DNAH17: variants seen among roughly 807,000 people sequenced by gnomAD.
The protein encoded by DNAH17 is dynein axonemal heavy chain 17.
A neutral mutation model predicts 485.6 loss-of-function variants in DNAH17; 376 were observed. That is an observed-to-expected ratio of 0.77 (90% confidence interval 0.71 to 0.84). DNAH17 has a LOEUF of 0.84. Ranked by LOEUF, DNAH17 falls within the 40% of genes least tolerant of loss-of-function variation. The pLI, the probability that DNAH17 is intolerant of heterozygous loss-of-function variation, is 0.00. For missense variants in DNAH17, 6,370 were observed against 5,839.3 expected (o/e 1.09, Z -2.96); for synonymous variants, 3,031 against 2,405.9 (o/e 1.26, Z -7.60).
chr17:78,502,113 G>A (rs184521968), intron 33 of DNAH17: 5 of 539,706 alleles, frequency 9.3e-6, no homozygotes, highest in African/African-American at 7.6e-5. Flanking sequence ...GGCCACGAGA[G>A]AGGGTGGATG....
intron 51 of DNAH17, 124 bp downstream of exon 51, chr17:78,478,898 CATT>C (rs1184536031): frequency 2.9e-5 from 21 of 732,998 alleles, no homozygotes; most frequent in Non-Finnish European, 4.3e-5. Flanking sequence ...TTATTATCAT[CATT>C]ATCATTACCA....
intron 53 of DNAH17, 29 bp downstream of exon 53, chr17:78,475,640 G>A (rs374336711): frequency 1.2e-6 from 2 of 1,611,752 alleles, no homozygotes; most frequent in African/African-American, 2.7e-5. Context: ...CAGGTCCCGT[G>A]CCCTTGCTAT....
chr17:78,431,601 G>A (rs1456570641), intron 75 of DNAH17, among the ~76,000 whole-genome samples: 3 of 152,134 alleles, frequency 2.0e-5, no homozygotes, highest in Non-Finnish European at 2.9e-5. Context: ...GAGCCCAGAC[G>A]GCTAAACAGG....
intron 31 of DNAH17, 119 bp downstream of exon 31, chr17:78,505,174 G>C: frequency 7.5e-7 from 1 of 1,327,082 alleles, no homozygotes; most frequent in Non-Finnish European, 1.0e-6. Context: ...AGGAGCAGGG[G>C]CGGGCTGGCA....
At chr17:78,510,773 C>T (rs954067934) in intron 26 of DNAH17, 12 of 402,266 alleles carry the variant, frequency 3.0e-5, no homozygotes, top group East Asian at 2.4e-4. Flanking sequence ...AATTCACATC[C>T]GCCCAGAACC....
intron 19 of DNAH17, among the ~76,000 whole-genome samples, chr17:78,535,618 G>T (rs568776271): frequency 6.6e-6 from 1 of 152,248 alleles, no homozygotes; most frequent in South Asian, 2.1e-4. Flanking sequence ...AATCATACGT[G>T]TCCATTATTT....
In DNAH17 at chr17:78,543,941, T is replaced by C; in HGVS notation, c.2448A>G (p.Leu816=). The change falls in exon 17 of 81, where the codon TTA becomes TTG. Residue 816 remains leucine, a synonymous_variant. Coordinates refer to ENST00000389840, the MANE Select transcript of DNAH17 (RefSeq NM_173628.4). ...GGTTGGCAATTCTTCCATCCAAGTC[T>C]AACAGGGCCTCTTTCTTATTGTCCT... ...ERKDNKKEAL[L]DLDGRIANLN... is the part of the protein sequence containing the mutation. 6.2e-7 allele frequency: 1 copy of C among 1,614,070 alleles called. No homozygotes were observed. The highest frequency in any genetic ancestry group is 1.6e-4 in the Middle Eastern group (1 of 6,062).
rs531685338 is a variant in DNAH17, at chr17:78,573,325, C to T, written c.346-431G>A. On this transcript the variant is annotated intron_variant, in intron 2 of 80. Transcript: ENST00000389840. ...TAAAGAGGTGAGTAAGGGCTGGGGG[C>T]GGTAGCTCATACCTGTAAATCCTAG... Among the ~76,000 whole-genome samples, 54 of 152,174 alleles carry T rather than the reference C, an allele frequency of 3.5e-4. 1 individual carries two copies. In the South Asian group the frequency reaches 1.0e-2, roughly 28 times the overall value.
rs113319497 is a variant in DNAH17 at position 78,527,001 on chromosome 17, G to A, written c.3508-5C>T. ...TGCCCAGTGCTCCGGCAGCTCCTGC[G>A]GGAAGCAAAGGCAGAGGAGGGCTCC... On this transcript the variant is annotated splice_region_variant and splice_polypyrimidine_tract_variant and intron_variant, in intron 22 of 80. Coordinates refer to ENST00000389840, the MANE Select transcript of DNAH17 (RefSeq NM_173628.4). 805 of 1,561,112 alleles carry A rather than the reference G, an allele frequency of 5.2e-4. 3 individuals carry two copies. The African/African-American group carries it at 7.3e-3, about 14-fold the overall frequency.
chr17:78,562,068 C>A, intron 11 of DNAH17, 88 bp from the exon 12 acceptor site: 1 of 1,449,408 alleles, frequency 6.9e-7, no homozygotes, highest in Admixed American at 2.5e-5. Flanking sequence ...CAGGGCCAAT[C>A]TTCAGGAGTG....
chr17:78,560,782 C>G lies in DNAH17; in HGVS notation c.1989G>C (p.Arg663=). ...CGTGGATGAGGTTGCTAGCGGCGTC[C>G]CGCAGAATCAGCGGCTGCCCCAGGT... is the stretch of plus-strand genomic sequence containing the variant. The part of the protein sequence containing the change: ...HFNLGQPLIL[R]DAASNLIHVN... Residue 663 remains arginine (R), a synonymous_variant, in exon 13 of 81, where the codon CGG becomes CGC. Coordinates refer to ENST00000389840, the MANE Select transcript of DNAH17 (RefSeq NM_173628.4). 1.3e-6 allele frequency: 2 copies of G among 1,552,402 alleles called. No homozygotes were observed. Among genetic ancestry groups the G allele is most frequent in the South Asian group, 2.4e-5 (2 of 84,064 alleles).
At chr17:78,451,362 A>G (rs1217181980) in intron 66 of DNAH17, 107 bp downstream of exon 66, 9 of 1,040,748 alleles carry the variant, frequency 8.6e-6, no homozygotes, top group Non-Finnish European at 1.1e-5. Context: ...GAGAGAAGCA[A>G]CGACACACAC....
Position 78,530,434 on chromosome 17 carries a change from C to A in DNAH17, c.3193G>T (p.Asp1065Tyr), listed in dbSNP as rs757161991. Reference protein sequence around the residue: ...TKVFHGWLQCDCRPFKQALLS... With the variant: ...TKVFHGWLQCYCRPFKQALLS... ...AGGGCCTGCTTGAAGGGGCGGCAGT[C>A]GCACTGCAGCCAGCCGTGGAACACC... is the stretch of plus-strand genomic sequence containing the variant. Residue 1065 changes from aspartate (D) to tyrosine (Y), a missense_variant, in exon 21 of 81, where the codon GAC (aspartate) becomes TAC (tyrosine). By Grantham distance (160) the Asp-to-Tyr change is radical. Transcript: ENST00000389840. 3 of 1,613,620 alleles carry A rather than the reference C, an allele frequency of 1.9e-6. No individual in the cohort carries two copies. In the South Asian group the frequency reaches 3.3e-5, roughly 18 times the overall value.
chr17:78,570,597 C>T (rs1381985306), intron 6 of DNAH17, among the ~76,000 whole-genome samples: 2 of 152,114 alleles, frequency 1.3e-5, no homozygotes, highest in South Asian at 2.1e-4. Context: ...TGGTGGCTCA[C>T]GCCTGTAATC....
intron 14 of DNAH17, among the ~76,000 whole-genome samples, chr17:78,554,250 G>A (rs562362008): frequency 1.3e-5 from 2 of 152,022 alleles, no homozygotes; most frequent in African/African-American, 4.8e-5. Context: ...GACCAGCCTG[G>A]CCAACATGGT....
chr17:78,458,533 G>A (rs368648184), intron 62 of DNAH17, 32 bp downstream of exon 62: 2 of 1,569,996 alleles, frequency 1.3e-6, no homozygotes, highest in African/African-American at 1.4e-5. Context: ...GGGTCTGAGA[G>A]CAGGAGGGTG....
rs760037630 is a variant in DNAH17, at chr17:78,475,392, C to T, written c.8397G>A (p.Leu2799=). ...GTTTGCCACTGCCGCCCACCCCCAC[C>T]AGCAGGGCATTCCCCCGGGGAGACT... ...ILESPRGNAL[L]VGVGGSGKQS... is the part of the protein sequence containing the mutation. Residue 2799 remains leucine, a synonymous_variant, in exon 54 of 81, where the codon CTG becomes CTA. Coordinates refer to ENST00000389840, the MANE Select transcript of DNAH17 (RefSeq NM_173628.4). The T allele has an allele frequency of 2.5e-6, 4 of 1,613,982 alleles. No homozygotes were observed. The Admixed American group carries it at 6.7e-5, about 27-fold the overall frequency.
chr17:78,571,911 C>A (rs1451822822), intron 3 of DNAH17, 129 bp from the exon 4 acceptor site: 13 of 862,908 alleles, frequency 1.5e-5, no homozygotes, highest in Non-Finnish European at 2.3e-5. Context: ...TCTCATGTCC[C>A]TGGTGCCTCC....
At chr17:78,571,927 C>A (rs1275176764) in intron 3 of DNAH17, 145 bp from the exon 4 acceptor site, 2 of 731,994 alleles carry the variant, frequency 2.7e-6, no homozygotes, top group Non-Finnish European at 4.4e-6. Flanking sequence ...CCTCCAGCCA[C>A]CTCGGGGACG....
Sources: gnomAD v4.1 joint callset for allele counts (sites outside exome capture counted in the v4.1 genomes callset) on GRCh38, gnomAD v4.1.1 for gene constraint, MANE v1.5 for transcripts, NCBI Gene and HGNC (gene_info 2026-07-23, HGNC 2026-07-21) for gene names.